SOX5: variants seen among roughly 807,000 people sequenced by gnomAD.
SOX5 encodes the protein SRY-box transcription factor 5.
SOX5 carries 9 observed loss-of-function variants against 92.0 expected under a neutral mutation model. The ratio of observed to expected loss-of-function variants is 0.10; its 90% CI spans 0.06 to 0.17. SOX5 has a LOEUF of 0.17. Ranked by LOEUF, SOX5 falls within the 10% of genes least tolerant of loss-of-function variation. The probability of loss-of-function intolerance (pLI) is 1.00; values close to 1 mark genes in which losing one functional copy is unlikely to be tolerated. For synonymous variants in SOX5, 344 were observed against 336.3 expected (o/e 1.02, Z -0.25); for missense variants, 642 against 944.5 (o/e 0.68, Z 4.20).
At chr12:24,022,144 T>C (rs1167255282) in intron 4 of SOX5, among the ~76,000 whole-genome samples, 1 of 152,170 alleles carries the variant, frequency 6.6e-6, no homozygotes, top group Non-Finnish European at 1.5e-5. Flanking sequence ...CGCAGAATCA[T>C]AACATCTCAC....
At chr12:23,946,238 C>T (rs1003330008) in intron 1 of SOX5, among the ~76,000 whole-genome samples, 3 of 152,082 alleles carry the variant, frequency 2.0e-5, no homozygotes, top group Non-Finnish European at 4.4e-5. Context: ...ATACTAACAA[C>T]CTAATTTGCA....
In SOX5 at chr12:23,631,086, C is replaced by A. The variant is rs564213112; in HGVS notation, c.1017+9726G>T. 9.9e-5 allele frequency among the ~76,000 whole-genome samples: 15 copies of A among 151,932 alleles called. No individual in the cohort carries two copies. In the East Asian group the frequency reaches 2.9e-3, roughly 29 times the overall value. On this transcript the variant is annotated intron_variant, in intron 8 of 14. Transcript: ENST00000451604. Reference sequence around the variant, plus strand: ...AGTAGCATGCTTTGACTAAACCATACGAATAATGGATAAAAATCCATGGAT... The same window carrying A: ...AGTAGCATGCTTTGACTAAACCATAAGAATAATGGATAAAAATCCATGGAT...
At chr12:24,059,217 C>G (rs1939184863) in intron 4 of SOX5, among the ~76,000 whole-genome samples, 1 of 151,866 alleles carries the variant, frequency 6.6e-6, no homozygotes, top group Admixed American at 6.5e-5. Context: ...TTAAATTTCA[C>G]CTTACTCTGA....
At chr12:24,415,141 A>T (rs1964801591) in intron 1 of SOX5, among the ~76,000 whole-genome samples, 1 of 152,216 alleles carries the variant, frequency 6.6e-6, no homozygotes, top group Non-Finnish European at 1.5e-5. Flanking sequence ...TTAATATTAA[A>T]AAGTAAAATA....
At position 23,531,339 on chromosome 12, in the gene SOX5, C is replaced by T. The variant is rs1483263663; in HGVS notation, c.*2880G>A. 1 of 152,070 alleles carries T rather than the reference C, an allele frequency of 6.6e-6. No individual in the cohort carries two copies. The highest frequency in any genetic ancestry group is 6.6e-5 in the Admixed American group (1 of 15,266). 9.4% of individuals were successfully genotyped at this position (152,070 alleles called of 1,614,324 possible). Reference sequence around the variant, plus strand: ...CCATTAACAATTTTGTTTTCCCCTTCAAATAAAACAAAATATAACAAAAAA... The same window carrying T: ...CCATTAACAATTTTGTTTTCCCCTTTAAATAAAACAAAATATAACAAAAAA... On this transcript the variant is annotated 3_prime_UTR_variant, in exon 15 of 15. Coordinates refer to ENST00000451604, the MANE Select transcript of SOX5 (RefSeq NM_006940.6).
intron 9 of SOX5, among the ~76,000 whole-genome samples, chr12:23,578,627 A>G (rs1322163711): frequency 6.6e-6 from 1 of 152,182 alleles, no homozygotes; most frequent in African/African-American, 2.4e-5. Context: ...ACTCATATGC[A>G]TAATAAATTG....
At chr12:24,515,999 C>A (rs1717857614) in intron 1 of SOX5, among the ~76,000 whole-genome samples, 1 of 151,244 alleles carries the variant, frequency 6.6e-6, no homozygotes, top group Non-Finnish European at 1.5e-5. Flanking sequence ...ACAAAATAGA[C>A]ATGGAGTAGT....
At chr12:23,713,793 T>A (rs1201404869) in intron 6 of SOX5, among the ~76,000 whole-genome samples, 1 of 149,438 alleles carries the variant, frequency 6.7e-6, no homozygotes, top group African/African-American at 2.4e-5. Context: ...TATTTAATAA[T>A]ATATGTAGAT....
At chr12:24,247,398 C>T (rs531346837) in intron 3 of SOX5, among the ~76,000 whole-genome samples, 4 of 152,108 alleles carry the variant, frequency 2.6e-5, no homozygotes, top group East Asian at 3.9e-4. Context: ...GAAATCAGTT[C>T]GAGGACTAGG....
chr12:23,952,738 G>A (rs191510662), upstream of SOX5, among the ~76,000 whole-genome samples: 826 of 152,246 alleles, frequency 5.4e-3, 2 homozygotes, highest in African/African-American at 0.019. Flanking sequence ...GGAACTCTAA[G>A]ATCATAAGGA....
Position 24,393,190 on chromosome 12 carries a change from G to C in SOX5, c.-250-24551C>G, listed in dbSNP as rs533652714. ...TGGCAAAAAAACAAACCCACTGCCT[G>C]GGGCAGCCTGGGGCTGATGGATGAT... On this transcript the variant is annotated intron_variant, in intron 1 of 4. Coordinates refer to the SOX5 transcript ENST00000446891. This position sits in a 1 kb window ranked among gnomAD's most constrained non-coding sequence, Gnocchi z 5.0. Among the ~76,000 whole-genome samples, 1 of 152,332 alleles carries C rather than the reference G, an allele frequency of 6.6e-6. No homozygotes were observed. The highest frequency in any genetic ancestry group is 6.5e-5 in the Admixed American group (1 of 15,306).
At chr12:24,377,037 C>T (rs899520521) in intron 1 of SOX5, among the ~76,000 whole-genome samples, 1 of 152,084 alleles carries the variant, frequency 6.6e-6, no homozygotes, top group African/African-American at 2.4e-5. Context: ...CTGCCCTAAA[C>T]GTCTATCTTT....
intron 4 of SOX5, among the ~76,000 whole-genome samples, chr12:23,980,959 C>T (rs751439513): frequency 6.6e-6 from 1 of 152,150 alleles, no homozygotes; most frequent in Non-Finnish European, 1.5e-5. Context: ...TGTGATATGG[C>T]TCCTCACATC....
intron 1 of SOX5, among the ~76,000 whole-genome samples, chr12:24,476,204 G>A (rs1427946348): frequency 6.6e-6 from 1 of 152,178 alleles, no homozygotes; most frequent in Non-Finnish European, 1.5e-5. Context: ...TAACATTTAT[G>A]ACTGAATCCT....
At chr12:24,105,463 C>A (rs1339185347) in intron 4 of SOX5, among the ~76,000 whole-genome samples, 1 of 152,092 alleles carries the variant, frequency 6.6e-6, no homozygotes, top group African/African-American at 2.4e-5. Flanking sequence ...ATCACTTGAA[C>A]TGGGTGGGTG....
At chr12:23,538,146 G>A (rs763663758) in intron 13 of SOX5, among the ~76,000 whole-genome samples, 2 of 152,060 alleles carry the variant, frequency 1.3e-5, no homozygotes, top group South Asian at 2.1e-4. Context: ...TTACTCACCC[G>A]TAACTCCCTA....
At chr12:24,508,163 G>A (rs1015279306) in intron 1 of SOX5, among the ~76,000 whole-genome samples, 9 of 152,234 alleles carry the variant, frequency 5.9e-5, no homozygotes, top group Middle Eastern at 3.4e-3. Context: ...AGAGACTGAT[G>A]GGGTTAGATT....
At position 24,057,742 on chromosome 12, in the gene SOX5, A is replaced by AT. The variant is rs199515083; in HGVS notation, c.-2+155600dup. 4.7e-3 allele frequency among the ~76,000 whole-genome samples: 688 copies of AT among 145,896 alleles called. 6 individuals are homozygous for AT. The highest frequency in any genetic ancestry group is 0.015 in the African/African-American group (628 of 41,018). ...TGTTACCACGTGTAACTATAAATAC[A>AT]TTTTTTTTCTTAATTTCATGTTTTC... On this transcript the variant is annotated intron_variant, in intron 4 of 4. Coordinates refer to the SOX5 transcript ENST00000446891.
chr12:23,781,697 C>G (rs1352570054), intron 3 of SOX5, among the ~76,000 whole-genome samples: 3 of 151,906 alleles, frequency 2.0e-5, no homozygotes, highest in Admixed American at 6.6e-5. Flanking sequence ...GCTTTTACCC[C>G]CTTTCTGGGG....
Sources: gnomAD v4.1 joint callset for allele counts (sites outside exome capture counted in the v4.1 genomes callset) on GRCh38, gnomAD v4.1.1 for gene constraint, Gnocchi (gnomAD v3.1) non-coding constraint, MANE v1.5 for transcripts, NCBI Gene and HGNC (gene_info 2026-07-23, HGNC 2026-07-21) for gene names.